Variants in RNF19A observed in about 807,000 individuals in gnomAD.
RNF19A encodes the protein E3 ubiquitin-protein ligase RNF19A.
Under a neutral mutation model 75.7 loss-of-function variants are expected in RNF19A, and 32 were observed. That is an observed-to-expected ratio of 0.42 (90% CI 0.32 to 0.57). The LOEUF is 0.57. RNF19A is among the 20% of genes least tolerant of loss of function. The pLI is 0.10. For synonymous variants in RNF19A, 335 were observed against 345.2 expected (o/e 0.97, Z 0.33); for missense variants, 782 against 1,036.3 (o/e 0.75, Z 3.37).
chr8:100,265,688 T>C (rs1788194), intron 5 of RNF19A, among the ~76,000 whole-genome samples: 49,388 of 152,050 alleles, frequency 0.32, 8,704 homozygotes, highest in East Asian at 0.41. Context: ...CATGGTATAA[T>C]AACACCTTTG....
Position 100,259,352 on chromosome 8 carries a change from T to C in RNF19A, c.1827-106A>G. On this transcript the variant is annotated intron_variant, in intron 9 of 9. Coordinates refer to ENST00000341084, the MANE Select transcript of RNF19A (RefSeq NM_183419.4). This position sits in a 1 kb window ranked among gnomAD's most constrained non-coding sequence, Gnocchi z 4.5. ...GAAAATTCAGACTATATATAAGCTA[T>C]GAGAACACCTTAACGCAGAACACGT... 1.2e-6 allele frequency: 1 copy of C among 819,770 alleles called. No individual in the cohort carries two copies. The highest frequency in any genetic ancestry group is 1.9e-6 in the Non-Finnish European group (1 of 516,580). The allele number at this position is 819,770 out of a possible 1,614,324, so 50.8% of individuals were successfully genotyped here. A position where few individuals can be genotyped will look rare whatever the true frequency, so the allele number is the denominator to read the frequency against.
chr8:100,277,039 T>C (rs1461287514), intron 2 of RNF19A, among the ~76,000 whole-genome samples: 1 of 152,132 alleles, frequency 6.6e-6, no homozygotes, highest in African/African-American at 2.4e-5. Context: ...GAATCTACCA[T>C]TACCTCTATA....
chr8:100,266,643 G>A (rs546852870), intron 5 of RNF19A, among the ~76,000 whole-genome samples: 4 of 151,684 alleles, frequency 2.6e-5, no homozygotes, highest in South Asian at 2.1e-4. Context: ...CCTTAATAGC[G>A]GGGGCTACAG....
At chr8:100,295,350 T>C (rs1821506332) in intron 1 of RNF19A, among the ~76,000 whole-genome samples, 2 of 152,206 alleles carry the variant, frequency 1.3e-5, no homozygotes, top group South Asian at 4.1e-4. Flanking sequence ...AATGGTTTTC[T>C]AATACCCAAA....
At chr8:100,310,883 C>T (rs1226352840), upstream of RNF19A, among the ~76,000 whole-genome samples, 1 of 150,524 alleles carries the variant, frequency 6.6e-6, no homozygotes, top group Non-Finnish European at 1.5e-5. Flanking sequence ...CCAGTCATAT[C>T]CCCTTTGAAT....
chr8:100,270,911 G>A (rs1328962518), intron 3 of RNF19A, among the ~76,000 whole-genome samples: 1 of 152,032 alleles, frequency 6.6e-6, no homozygotes, highest in African/African-American at 2.4e-5. Flanking sequence ...CAACTACTTT[G>A]CATGTTGGCA....
chr8:100,297,643 G>C (rs1398511484), intron 1 of RNF19A, among the ~76,000 whole-genome samples: 1 of 152,168 alleles, frequency 6.6e-6, no homozygotes, highest in African/African-American at 2.4e-5. Context: ...ATTCTAGTGA[G>C]GCAGAACTTA....
chr8:100,320,696 G>A (rs1282303203), intron 1 of RNF19A, among the ~76,000 whole-genome samples: 1 of 152,012 alleles, frequency 6.6e-6, no homozygotes, highest in Admixed American at 6.6e-5. Context: ...TTCTTCATAG[G>A]GTTTCTATGT....
chr8:100,331,603 C>G lies in RNF19A; in HGVS notation c.-243+4505G>C, dbSNP rs1822611281. Among the ~76,000 whole-genome samples, 1 of 152,168 alleles carries G rather than the reference C, an allele frequency of 6.6e-6. No individual in the cohort carries two copies. Among genetic ancestry groups the G allele is most frequent in the Admixed American group, 6.5e-5 (1 of 15,278 alleles). On this transcript the variant is annotated intron_variant, in intron 1 of 3. Transcript: ENST00000519527. The surrounding 1 kb of genome is among the most constrained non-coding windows in gnomAD (Gnocchi z 5.2). ...AGTGAGTCATGACTGTGCCACTGCA[C>G]TCCAGCCTGGGTAACAGAGAGAGAC...
chr8:100,276,270 G>C (rs1265784324), intron 2 of RNF19A, among the ~76,000 whole-genome samples: 1 of 152,184 alleles, frequency 6.6e-6, no homozygotes, highest in Admixed American at 6.5e-5. Context: ...AGAAAGTATT[G>C]ATGCAAGTAA....
chr8:100,295,336 T>C (rs1043785764), intron 1 of RNF19A, among the ~76,000 whole-genome samples: 4 of 152,206 alleles, frequency 2.6e-5, no homozygotes, highest in African/African-American at 9.6e-5. Flanking sequence ...TTTTTCGTAG[T>C]TACAATGGTT....
chr8:100,279,360 G>A (rs868338092), intron 2 of RNF19A, among the ~76,000 whole-genome samples: 1 of 151,882 alleles, frequency 6.6e-6, no homozygotes, highest in African/African-American at 2.4e-5. Context: ...ATATTTGATT[G>A]CCAGGTTTTG....
intron 1 of RNF19A, among the ~76,000 whole-genome samples, chr8:100,293,808 C>CA (rs1356738782): frequency 2.6e-5 from 4 of 152,136 alleles, no homozygotes; most frequent in Non-Finnish European, 1.5e-5. Flanking sequence ...TTTCTTCGTT[C>CA]AGTAGACTGG....
intron 1 of RNF19A, among the ~76,000 whole-genome samples, chr8:100,290,568 TCAAA>T (rs1039472037): frequency 2.0e-5 from 3 of 152,194 alleles, no homozygotes; most frequent in African/African-American, 7.2e-5. Context: ...AACATTTCAC[TCAAA>T]CAAACTTCAC....
chr8:100,315,422 T>G (rs1330173246), intron 1 of RNF19A, among the ~76,000 whole-genome samples: 3 of 152,044 alleles, frequency 2.0e-5, no homozygotes, highest in Non-Finnish European at 2.9e-5. Context: ...CAGGAATGAA[T>G]GGGAGCTTGG....
At chr8:100,274,432 T>TA (rs1820405308) in intron 3 of RNF19A, among the ~76,000 whole-genome samples, 1 of 152,164 alleles carries the variant, frequency 6.6e-6, no homozygotes, top group South Asian at 2.1e-4. Context: ...CAAACAAGTA[T>TA]AAAAAAACAT....
intron 2 of RNF19A, among the ~76,000 whole-genome samples, chr8:100,278,434 C>T (rs1187511906): frequency 6.6e-6 from 1 of 152,126 alleles, no homozygotes; most frequent in Non-Finnish European, 1.5e-5. Flanking sequence ...ATAACTGAGT[C>T]ACTTAAGTAT....
chr8:100,315,269 T>C (rs1308224491), intron 1 of RNF19A, among the ~76,000 whole-genome samples: 1 of 152,180 alleles, frequency 6.6e-6, no homozygotes, highest in South Asian at 2.1e-4. Flanking sequence ...GCCTGGATGA[T>C]CTATGTATAC....
chr8:100,288,059 C>T lies in RNF19A; in HGVS notation c.116G>A (p.Gly39Asp). 1 of 1,614,144 alleles carries T rather than the reference C, an allele frequency of 6.2e-7. No individual in the cohort carries two copies. The highest frequency in any genetic ancestry group is 8.5e-7 in the Non-Finnish European group (1 of 1,180,020). ...AGAGGACTGAAGATCTCGATCTGAA[C>T]CCATTTGCCGATGTAAACTCATGTC... Reference protein sequence around the residue: ...ILDMSLHRQMGSDRDLQSSAS... With the variant: ...ILDMSLHRQMDSDRDLQSSAS... The change falls in exon 2 of 10, where the codon GGT becomes GAT. Residue 39 changes from glycine to aspartate, a missense_variant. By Grantham distance (94) the Gly-to-Asp change is moderately conservative. This residue lies in a region of RNF19A where 148 missense variants were observed against 147.9 expected (regional missense o/e 1.00). Transcript: ENST00000341084.
Sources: allele counts gnomAD v4.1 joint callset (sites outside exome capture counted in the v4.1 genomes callset), GRCh38; gene constraint gnomAD v4.1.1; regional missense constraint gnomAD v4.1.1; non-coding constraint Gnocchi (gnomAD v3.1); transcripts MANE v1.5; gene names NCBI Gene and HGNC (gene_info 2026-07-23, HGNC 2026-07-21).